The following LHFPL3 variants were observed in gnomAD, a reference collection of about 807,000 sequenced individuals.
LHFPL3 encodes the protein LHFPL tetraspan subfamily member 3 protein.
A neutral mutation model predicts 19.3 loss-of-function variants in LHFPL3; 5 were observed. The observed-to-expected ratio is 0.26, with a 90% CI of 0.14 to 0.54. The LOEUF is 0.54. Among genes scored for constraint, LHFPL3 ranks in the 20% least tolerant of loss-of-function variants. The pLI is 0.94. For synonymous variants in LHFPL3, 133 were observed against 126.2 expected, an observed-to-expected ratio of 1.05 and a Z score of -0.36; for missense variants, 249 against 307.4, an observed-to-expected ratio of 0.81 and a Z score of 1.42.
chr7:104,554,327 A>G (rs2115918759), intron 1 of LHFPL3, among the ~76,000 whole-genome samples: 1 of 152,208 alleles, frequency 6.6e-6, no homozygotes, highest in East Asian at 1.9e-4. Context: ...TATGCATTCT[A>G]GATGATTTGC....
At chr7:104,417,296 T>G (rs569854398) in intron 1 of LHFPL3, among the ~76,000 whole-genome samples, 4 of 152,336 alleles carry the variant, frequency 2.6e-5, no homozygotes, top group African/African-American at 9.6e-5. Context: ...ATTCACAGAT[T>G]TTTTTTCAAA....
At chr7:104,706,284 TCAC>T (rs1029298322) in intron 1 of LHFPL3, among the ~76,000 whole-genome samples, 3 of 142,756 alleles carry the variant, frequency 2.1e-5, no homozygotes, top group African/African-American at 7.8e-5. Flanking sequence ...CCAGCCAGTG[TCAC>T]CACCGAGAGG....
At chr7:104,799,844 C>G (rs1790206001) in intron 2 of LHFPL3, 1 of 153,466 alleles carries the variant, frequency 6.5e-6, no homozygotes, top group East Asian at 1.9e-4. Flanking sequence ...CATGACTTGC[C>G]TTCCCATGAC....
At chr7:104,522,899 C>G (rs1794099749) in intron 1 of LHFPL3, among the ~76,000 whole-genome samples, 1 of 151,978 alleles carries the variant, frequency 6.6e-6, no homozygotes, top group Non-Finnish European at 1.5e-5. Context: ...AGAGGTAGAC[C>G]AGGCTGCTTA....
chr7:104,535,124 T>G (rs1794368474), intron 1 of LHFPL3, among the ~76,000 whole-genome samples: 2 of 152,184 alleles, frequency 1.3e-5, no homozygotes, highest in Non-Finnish European at 2.9e-5. Flanking sequence ...CCACCAGATG[T>G]TTTAGGTATA....
chr7:104,629,782 C>A (rs186659422), intron 1 of LHFPL3, among the ~76,000 whole-genome samples: 10 of 152,316 alleles, frequency 6.6e-5, no homozygotes, highest in African/African-American at 2.2e-4. Context: ...GGGCTGTAAC[C>A]TTTAGCTGAC....
At chr7:104,545,590 G>C (rs1017060707) in intron 1 of LHFPL3, among the ~76,000 whole-genome samples, 3 of 152,210 alleles carry the variant, frequency 2.0e-5, no homozygotes, top group African/African-American at 7.2e-5. Context: ...CTCCAGGTGA[G>C]TTTGTTCTGA....
At chr7:104,757,201 A>G (rs112927861) in intron 2 of LHFPL3, among the ~76,000 whole-genome samples, 1,613 of 152,346 alleles carry the variant, frequency 0.011, 30 homozygotes, top group African/African-American at 0.036. Flanking sequence ...ATATACAAAA[A>G]TTAATGCAAG....
intron 1 of LHFPL3, among the ~76,000 whole-genome samples, chr7:104,415,922 T>C (rs541626341): frequency 2.8e-4 from 42 of 152,138 alleles, no homozygotes; most frequent in Admixed American, 5.9e-4. Context: ...GCAGCAGACA[T>C]TGCAGCTTGC....
At chr7:104,434,946 A>G (rs1584318045) in intron 1 of LHFPL3, among the ~76,000 whole-genome samples, 1 of 152,176 alleles carries the variant, frequency 6.6e-6, no homozygotes, top group Non-Finnish European at 1.5e-5. Context: ...ATTAATTTAT[A>G]AATACATTTT....
intron 1 of LHFPL3, among the ~76,000 whole-genome samples, chr7:104,616,753 T>A (rs944180678): frequency 6.6e-6 from 1 of 152,030 alleles, no homozygotes; most frequent in African/African-American, 2.4e-5. Flanking sequence ...AATCTATCCA[T>A]CTGACAAAGG....
chr7:104,529,584 G>A (rs1794255624), intron 1 of LHFPL3, among the ~76,000 whole-genome samples: 1 of 152,176 alleles, frequency 6.6e-6, no homozygotes, highest in Admixed American at 6.6e-5. Context: ...ACCTGCTTCA[G>A]TGAAAGAAAT....
chr7:104,464,753 A>G (rs1245341609), intron 1 of LHFPL3, among the ~76,000 whole-genome samples: 1 of 152,208 alleles, frequency 6.6e-6, no homozygotes, highest in Non-Finnish European at 1.5e-5. Flanking sequence ...CCCTGGGCCC[A>G]GCTCATGAGA....
Position 104,796,693 on chromosome 7 carries a change from C to T in LHFPL3, c.682+59782C>T, listed in dbSNP as rs537564856. 8.5e-5 allele frequency: 13 copies of T among 152,720 alleles called. No individual in the cohort carries two copies. The East Asian group carries it at 2.3e-3, about 27-fold the overall frequency. The allele number at this position is 152,720 out of a possible 1,614,324, so 9.5% of individuals were successfully genotyped here. A position where few individuals can be genotyped will look rare whatever the true frequency, so the allele number is the denominator to read the frequency against. ...TGAGACTGCTAGGTCTTAGAAAACC[C>T]GGCTCAAAGTGCCTTAAACAAAAAG... is the stretch of plus-strand genomic sequence containing the variant. On this transcript the variant is annotated intron_variant, in intron 2 of 2. Transcript: ENST00000424859.
rs761695187 is a variant in LHFPL3, at chr7:104,736,784, A to T, written c.555A>T (p.Ser185=). 1 of 1,613,684 alleles carries T rather than the reference A, an allele frequency of 6.2e-7. No individual in the cohort carries two copies. The highest frequency in any genetic ancestry group is 8.5e-7 in the Non-Finnish European group (1 of 1,179,812). Residue 185 remains serine, a synonymous_variant, in exon 2 of 3, where the codon TCA becomes TCT. Coordinates refer to ENST00000424859, the MANE Select transcript of LHFPL3 (RefSeq NM_199000.3). Reference sequence around the variant, plus strand: ...ACAAGTACACTCTTGGGGCTTGCTCAGTCCGCTGGGCATACATCCTGGCTA... The same window carrying T: ...ACAAGTACACTCTTGGGGCTTGCTCTGTCCGCTGGGCATACATCCTGGCTA... ...KTDKYTLGAC[S]VRWAYILAII...
chr7:104,830,275 G>A (rs2116555306), intron 2 of LHFPL3, among the ~76,000 whole-genome samples: 1 of 151,958 alleles, frequency 6.6e-6, no homozygotes, highest in African/African-American at 2.4e-5. Context: ...CTCCCATTTT[G>A]TAGGTTGCCT....
chr7:104,766,603 G>A (rs1270104531), intron 2 of LHFPL3, among the ~76,000 whole-genome samples: 1 of 152,182 alleles, frequency 6.6e-6, no homozygotes, highest in Non-Finnish European at 1.5e-5. Flanking sequence ...CCCCAACCAT[G>A]AGGAAGCCCC....
chr7:104,512,140 A>G (rs1793828746), intron 1 of LHFPL3, among the ~76,000 whole-genome samples: 1 of 151,602 alleles, frequency 6.6e-6, no homozygotes, highest in Non-Finnish European at 1.5e-5. Flanking sequence ...TTTTTACTAG[A>G]GACAGGGTTT....
intron 1 of LHFPL3, among the ~76,000 whole-genome samples, chr7:104,560,958 G>T (rs1354996089): frequency 6.8e-6 from 1 of 147,290 alleles, no homozygotes. Flanking sequence ...TCATTCAGGA[G>T]CAGGTTGTTC....
Sources: gnomAD v4.1 joint callset for allele counts (sites outside exome capture counted in the v4.1 genomes callset) on GRCh38, gnomAD v4.1.1 for gene constraint, MANE v1.5 for transcripts, NCBI Gene and HGNC (gene_info 2026-07-23, HGNC 2026-07-21) for gene names.